NCAM2: variants seen among roughly 807,000 people sequenced by gnomAD.
NCAM2 encodes neural cell adhesion molecule 2.
A neutral mutation model predicts 98.1 loss-of-function variants in NCAM2; 30 were observed. The observed-to-expected ratio is 0.31, with a 90% CI of 0.23 to 0.41. The LOEUF is 0.41. Among genes scored for constraint, NCAM2 ranks in the 10% least tolerant of loss-of-function variants. The pLI is 1.00. For missense variants in NCAM2, 867 were observed against 1,005.8 expected, an observed-to-expected ratio of 0.86 and a Z score of 1.87; for synonymous variants, 368 against 342.4, an observed-to-expected ratio of 1.07 and a Z score of -0.83.
At chr21:21,233,356 A>G (rs2070701994) in intron 1 of NCAM2, among the ~76,000 whole-genome samples, 1 of 151,614 alleles carries the variant, frequency 6.6e-6, no homozygotes, top group Admixed American at 6.6e-5. Flanking sequence ...TATGTCATTT[A>G]AACTGGAGTT....
rs555969794 is a variant in NCAM2 at position 21,034,464 on chromosome 21, A to G, written c.55+35846A>G. On this transcript the variant is annotated intron_variant, in intron 1 of 17. Coordinates refer to ENST00000400546, the MANE Select transcript of NCAM2 (RefSeq NM_004540.5). Reference sequence around the variant, plus strand: ...AACTTTCTCGGTCGTCCATACATCAACAGGCACAAAGGCTGATACTCAGTT... The same window carrying G: ...AACTTTCTCGGTCGTCCATACATCAGCAGGCACAAAGGCTGATACTCAGTT... Among the ~76,000 whole-genome samples the G allele has an allele frequency of 2.4e-4, 37 of 152,298 alleles. No homozygotes were observed. The South Asian group carries it at 7.1e-3, about 29-fold the overall frequency.
At chr21:21,427,224 AC>A (rs202238578) in intron 11 of NCAM2, among the ~76,000 whole-genome samples, 8 of 152,054 alleles carry the variant, frequency 5.3e-5, no homozygotes, top group South Asian at 2.1e-4. Flanking sequence ...GGGATTGAAA[AC>A]AAAAAAAAGA....
intron 7 of NCAM2, among the ~76,000 whole-genome samples, 190 bp downstream of exon 7, chr21:21,335,855 T>G (rs549932188): frequency 1.3e-5 from 2 of 152,298 alleles, no homozygotes; most frequent in East Asian, 1.9e-4. Context: ...CATATGCAAA[T>G]TTTTGTAAGT....
At chr21:21,330,494 AC>A (rs2074643303) in intron 6 of NCAM2, among the ~76,000 whole-genome samples, 2 of 152,200 alleles carry the variant, frequency 1.3e-5, no homozygotes, top group South Asian at 4.1e-4. Context: ...CAGGAAATAG[AC>A]TTTTTAATGG....
rs1352633958 is a variant in NCAM2, at chr21:21,502,262, TATTA to T, written c.2078-6585_2078-6582del. ...ATTTTTTGAAACTCTAAAGAACAGT[TATTA>T]ATTCTCTCAATTTTCTATCCATGTA... is the stretch of plus-strand genomic sequence containing the variant. On this transcript the variant is annotated intron_variant, in intron 15 of 17. Coordinates refer to ENST00000400546, the MANE Select transcript of NCAM2 (RefSeq NM_004540.5). Among the ~76,000 whole-genome samples, 8 of 152,094 alleles carry T rather than the reference TATTA, an allele frequency of 5.3e-5. No homozygotes were observed. The East Asian group carries it at 5.8e-4, about 11-fold the overall frequency.
At chr21:21,037,178 G>A (rs1035079895) in intron 1 of NCAM2, among the ~76,000 whole-genome samples, 6 of 152,088 alleles carry the variant, frequency 3.9e-5, no homozygotes, top group Admixed American at 6.6e-5. Flanking sequence ...ACAGGCCTGC[G>A]CCACCACGCC....
intron 4 of NCAM2, 28 bp downstream of exon 4, chr21:21,286,440 A>G (rs2073104527): frequency 2.5e-6 from 4 of 1,604,538 alleles, no homozygotes; most frequent in Non-Finnish European, 3.4e-6. Context: ...TCCCTAAGTT[A>G]TATGTTCTAA....
intron 1 of NCAM2, among the ~76,000 whole-genome samples, chr21:21,188,530 G>A (rs2068713890): frequency 6.6e-6 from 1 of 152,050 alleles, no homozygotes; most frequent in Non-Finnish European, 1.5e-5. Context: ...ATTCTCTAAA[G>A]GAAGCTCTTA....
intron 8 of NCAM2, among the ~76,000 whole-genome samples, chr21:21,348,912 T>C (rs1173966559): frequency 6.6e-6 from 1 of 152,138 alleles, no homozygotes; most frequent in Non-Finnish European, 1.5e-5. Flanking sequence ...GACCCCTGTC[T>C]CTCACCAAAC....
chr21:21,222,963 G>A (rs1368482403), intron 1 of NCAM2, among the ~76,000 whole-genome samples: 1 of 152,108 alleles, frequency 6.6e-6, no homozygotes, highest in Non-Finnish European at 1.5e-5. Flanking sequence ...TCAATCTTCA[G>A]TAACCACTCT....
chr21:21,472,372 A>G (rs1006946013), intron 14 of NCAM2, among the ~76,000 whole-genome samples: 3 of 152,000 alleles, frequency 2.0e-5, no homozygotes, highest in African/African-American at 7.2e-5. Context: ...AAATAAGTAA[A>G]ATCAAGCTTT....
chr21:21,378,820 G>A (rs1302310228), intron 9 of NCAM2, among the ~76,000 whole-genome samples: 3 of 152,102 alleles, frequency 2.0e-5, no homozygotes, highest in African/African-American at 4.8e-5. Context: ...TGCAGATTGT[G>A]TGGATATATA....
At chr21:21,468,614 G>C in intron 13 of NCAM2, 48 bp from the exon 14 acceptor site, 3 of 1,538,800 alleles carry the variant, frequency 1.9e-6, no homozygotes, top group South Asian at 1.2e-5. Flanking sequence ...AGTTTATCTA[G>C]GTATCTGAAA....
intron 13 of NCAM2, among the ~76,000 whole-genome samples, chr21:21,467,903 A>G (rs528129590): frequency 1.3e-5 from 2 of 152,038 alleles, no homozygotes; most frequent in South Asian, 2.1e-4. Context: ...AGAAATGACA[A>G]TAACCTGCTG....
intron 1 of NCAM2, among the ~76,000 whole-genome samples, chr21:21,175,805 C>A (rs1457089149): frequency 6.6e-6 from 1 of 152,162 alleles, no homozygotes; most frequent in Non-Finnish European, 1.5e-5. Flanking sequence ...TAGTGACAAA[C>A]TGATTTGTAC....
chr21:21,166,747 C>T (rs953012110), intron 1 of NCAM2, among the ~76,000 whole-genome samples: 10 of 152,118 alleles, frequency 6.6e-5, no homozygotes, highest in Non-Finnish European at 8.8e-5. Context: ...CACATTGTTA[C>T]GCAGAATGAT....
intron 1 of NCAM2, among the ~76,000 whole-genome samples, chr21:21,245,872 AGAAG>A (rs1366765939): frequency 6.6e-6 from 1 of 152,116 alleles, no homozygotes; most frequent in Non-Finnish European, 1.5e-5. Flanking sequence ...GATAAGGAAG[AGAAG>A]GAAGGAAGGT....
chr21:21,517,651 A>T (rs1411006773), intron 16 of NCAM2, among the ~76,000 whole-genome samples: 1 of 152,138 alleles, frequency 6.6e-6, no homozygotes. Context: ...TGAGGTCAAG[A>T]GTTCAAGACC....
intron 12 of NCAM2, among the ~76,000 whole-genome samples, chr21:21,461,338 G>A (rs1982947781): frequency 6.6e-6 from 1 of 151,872 alleles, no homozygotes; most frequent in Non-Finnish European, 1.5e-5. Context: ...GAAGCCATCT[G>A]ATTTTAAGGG....
Sources: allele counts gnomAD v4.1 joint callset (sites outside exome capture counted in the v4.1 genomes callset), GRCh38; gene constraint gnomAD v4.1.1; transcripts MANE v1.5; gene names NCBI Gene and HGNC (gene_info 2026-07-23, HGNC 2026-07-21).